The following CHRM3 variants were observed in gnomAD, a reference collection of about 807,000 sequenced individuals.
The protein encoded by CHRM3 is muscarinic acetylcholine receptor M3.
Under a neutral mutation model 41.8 loss-of-function variants are expected in CHRM3, and 11 were observed. That is an observed-to-expected ratio of 0.26 (90% CI 0.17 to 0.44). The LOEUF (loss-of-function observed/expected upper bound fraction) is 0.44, where lower values mean the gene tolerates loss of function less well. CHRM3 is among the 20% of genes least tolerant of loss of function. The pLI, the probability that CHRM3 is intolerant of heterozygous loss-of-function variation, is 1.00. For missense variants in CHRM3, 571 were observed against 745.4 expected (o/e 0.77, Z 2.72); for synonymous variants, 297 against 301.4 (o/e 0.99, Z 0.15).
rs572931947 is a variant in CHRM3 at position 239,857,916 on chromosome 1, TG to T, written c.-20+30539del. 2.8e-3 allele frequency among the ~76,000 whole-genome samples: 429 copies of T among 152,334 alleles called. 3 individuals are homozygous for T. Among genetic ancestry groups the T allele is most frequent in the African/African-American group, 1.0e-2 (414 of 41,574 alleles). On this transcript the variant is annotated intron_variant, in intron 6 of 6. Transcript: ENST00000676153. ...TCTTATGTTCTGTTATAACATTATT[TG>T]AAGTTGCCCCGAACATTATCTTATG...
intron 5 of CHRM3, among the ~76,000 whole-genome samples, chr1:239,712,798 T>C (rs1030825804): frequency 6.6e-6 from 1 of 152,150 alleles, no homozygotes; most frequent in Non-Finnish European, 1.5e-5. Context: ...TTTTATGGAG[T>C]AGAGATGGTC....
intron 1 of CHRM3, among the ~76,000 whole-genome samples, chr1:239,424,231 G>A (rs373330853): frequency 2.0e-5 from 3 of 152,038 alleles, no homozygotes; most frequent in African/African-American, 7.3e-5. Flanking sequence ...TATCCTCCTG[G>A]GTAGAACAGG....
chr1:239,856,071 C>T (rs1675088904), intron 6 of CHRM3, among the ~76,000 whole-genome samples: 1 of 152,162 alleles, frequency 6.6e-6, no homozygotes, highest in Admixed American at 6.5e-5. Flanking sequence ...TCTCCATTAC[C>T]TCTTTGGCTT....
At chr1:239,416,694 C>T (rs1375681441) in intron 1 of CHRM3, among the ~76,000 whole-genome samples, 3 of 152,128 alleles carry the variant, frequency 2.0e-5, no homozygotes, top group Admixed American at 6.5e-5. Flanking sequence ...TATTCTATGA[C>T]TGGAAGGCTA....
intron 3 of CHRM3, among the ~76,000 whole-genome samples, chr1:239,611,786 A>G (rs533501668): frequency 2.6e-5 from 4 of 152,208 alleles, no homozygotes; most frequent in Non-Finnish European, 5.9e-5. Flanking sequence ...GAACAATGGA[A>G]TCATTGCATG....
intron 4 of CHRM3, among the ~76,000 whole-genome samples, chr1:239,668,317 G>A (rs1674031845): frequency 6.6e-6 from 1 of 151,736 alleles, no homozygotes; most frequent in African/African-American, 2.4e-5. Flanking sequence ...TCGAATTCCT[G>A]ACCTGAAGTG....
chr1:239,621,301 C>T (rs931335865), intron 3 of CHRM3, among the ~76,000 whole-genome samples: 3 of 152,118 alleles, frequency 2.0e-5, no homozygotes, highest in Admixed American at 1.3e-4. Flanking sequence ...CACCCCATTT[C>T]CTGAGTCACA....
intron 5 of CHRM3, among the ~76,000 whole-genome samples, chr1:239,763,922 C>G (rs1667003729): frequency 1.3e-5 from 2 of 151,004 alleles, no homozygotes; most frequent in Admixed American, 1.3e-4. Context: ...ATAGCAAGAC[C>G]CCCATCTCTT....
chr1:239,387,816 CA>C lies in CHRM3; in HGVS notation c.-521+590del, dbSNP rs1309955634. ...AAGGCAAATTTGGCACTTCGAGTAA[CA>C]CTTGGGCGAAGGTACCTAGCCTAGT... On this transcript the variant is annotated intron_variant, in intron 1 of 6. Coordinates refer to ENST00000676153, the MANE Select transcript of CHRM3 (RefSeq NM_001375978.1). This position sits in a 1 kb window ranked among gnomAD's most constrained non-coding sequence, Gnocchi z 5.1. 6.6e-6 allele frequency among the ~76,000 whole-genome samples: 1 copy of C among 152,188 alleles called. No individual in the cohort carries two copies. The highest frequency in any genetic ancestry group is 1.5e-5 in the Non-Finnish European group (1 of 68,026).
At chr1:239,411,719 T>TAAA (rs1469522235) in intron 1 of CHRM3, among the ~76,000 whole-genome samples, 4 of 19,068 alleles carry the variant, frequency 2.1e-4, no homozygotes, top group Non-Finnish European at 3.0e-4. Context: ...AGCCTCTGTC[T>TAAA]CAAAAAAAAA....
intron 3 of CHRM3, among the ~76,000 whole-genome samples, chr1:239,602,434 T>C (rs1255014511): frequency 6.6e-6 from 1 of 152,062 alleles, no homozygotes; most frequent in Non-Finnish European, 1.5e-5. Flanking sequence ...GAAAATAAAT[T>C]AACTATCTGC....
intron 5 of CHRM3, among the ~76,000 whole-genome samples, chr1:239,736,276 C>G (rs759480398): frequency 1.3e-5 from 2 of 151,924 alleles, no homozygotes; most frequent in African/African-American, 4.8e-5. Context: ...CGAATAGAAC[C>G]AGGATTTGAA....
intron 5 of CHRM3, among the ~76,000 whole-genome samples, chr1:239,693,393 T>C (rs1358197227): frequency 1.3e-5 from 2 of 152,050 alleles, no homozygotes; most frequent in Admixed American, 6.6e-5. Context: ...GCAAAGACCA[T>C]ATGAGAAGGT....
chr1:239,618,284 T>C (rs1667877642), intron 3 of CHRM3, among the ~76,000 whole-genome samples: 1 of 142,314 alleles, frequency 7.0e-6, no homozygotes. Flanking sequence ...TTTCTTTTTT[T>C]TTTTTTTTTT....
intron 4 of CHRM3, among the ~76,000 whole-genome samples, chr1:239,661,220 T>A (rs1338660476): frequency 6.6e-6 from 1 of 152,332 alleles, no homozygotes; most frequent in South Asian, 2.1e-4. Flanking sequence ...ATTACCCTTT[T>A]GTTACTAAAT....
intron 3 of CHRM3, among the ~76,000 whole-genome samples, chr1:239,551,441 A>G (rs775693926): frequency 1.5e-4 from 23 of 151,350 alleles, no homozygotes; most frequent in Non-Finnish European, 3.1e-4. Flanking sequence ...GGATTACAGG[A>G]GTGAGCCACT....
intron 3 of CHRM3, among the ~76,000 whole-genome samples, chr1:239,609,585 C>T (rs1255797276): frequency 3.9e-5 from 6 of 152,010 alleles, no homozygotes; most frequent in African/African-American, 7.2e-5. Context: ...TTTTTCAAAA[C>T]GGTTATAGCA....
At chr1:239,612,749 C>T (rs1667210456) in intron 3 of CHRM3, among the ~76,000 whole-genome samples, 2 of 152,092 alleles carry the variant, frequency 1.3e-5, no homozygotes, top group South Asian at 4.1e-4. Context: ...CTGTGTATGT[C>T]CTTCTGAAGT....
intron 4 of CHRM3, among the ~76,000 whole-genome samples, chr1:239,643,207 G>C (rs1001175071): frequency 2.6e-5 from 4 of 152,178 alleles, no homozygotes; most frequent in Admixed American, 2.0e-4. Flanking sequence ...GGCTGCTTGG[G>C]GGTCAAGGGT....
Sources: allele counts gnomAD v4.1 joint callset (sites outside exome capture counted in the v4.1 genomes callset), GRCh38; gene constraint gnomAD v4.1.1; non-coding constraint Gnocchi (gnomAD v3.1); transcripts MANE v1.5; gene names NCBI Gene and HGNC (gene_info 2026-07-23, HGNC 2026-07-21).